The following DNAH8 variants were observed in gnomAD, a reference collection of about 807,000 sequenced individuals.
DNAH8 encodes the protein axonemal beta dynein heavy chain 8.
A neutral mutation model predicts 562.1 loss-of-function variants in DNAH8; 382 were observed. The ratio of observed to expected loss-of-function variants is 0.68; its 90% CI spans 0.63 to 0.74. The LOEUF (loss-of-function observed/expected upper bound fraction) is 0.74. Ranked by LOEUF, DNAH8 falls within the 30% of genes least tolerant of loss-of-function variation. The probability of loss-of-function intolerance (pLI) is 0.00; values close to 1 mark genes in which losing one functional copy is unlikely to be tolerated. For synonymous variants in DNAH8, 1,881 were observed against 1,919.4 expected, an observed-to-expected ratio of 0.98 and a Z score of 0.52; for missense variants, 5,203 against 5,620.4, an observed-to-expected ratio of 0.93 and a Z score of 2.37.
chr6:38,831,677 T>C (rs1773848028), intron 30 of DNAH8, among the ~76,000 whole-genome samples: 2 of 152,178 alleles, frequency 1.3e-5, no homozygotes, highest in Non-Finnish European at 2.9e-5. Context: ...TGCCTGATGC[T>C]GGTGGTGGGA....
In DNAH8 at chr6:38,860,534, T is replaced by A; in HGVS notation, c.6036T>A (p.Asp2012Glu). ...QSRFYFKEDLDQTVVSITDVD... is the reference protein window; with the variant it reads ...QSRFYFKEDLEQTVVSITDVD... The stretch of plus-strand genomic sequence containing the variant: ...GATTTTATTTTAAGGAAGATTTGGA[T>A]CAAACTGTGGTGTCTATTACAGATG... Residue 2012 changes from aspartate (D) to glutamate (E), a missense_variant, in exon 43 of 93, where the codon GAT becomes GAA. Around this residue, in one of 6 missense-constraint regions of DNAH8, gnomAD observed 2,176 missense variants for 2,365.1 expected, o/e 0.92. Transcript: ENST00000327475. 1 of 1,523,748 alleles carries A rather than the reference T, an allele frequency of 6.6e-7. No homozygotes were observed. The highest frequency in any genetic ancestry group is 8.8e-7 in the Non-Finnish European group (1 of 1,142,680). 94.4% of individuals were successfully genotyped at this position (1,523,748 alleles called of 1,614,324 possible).
intron 76 of DNAH8, among the ~76,000 whole-genome samples, chr6:38,933,101 A>G (rs1036220687): frequency 4.6e-5 from 7 of 152,128 alleles, no homozygotes; most frequent in African/African-American, 1.4e-4. Flanking sequence ...TCAGGATCAC[A>G]TGCTGTTAAC....
At chr6:38,762,954 C>A in intron 11 of DNAH8, 1 of 320,472 alleles carries the variant, frequency 3.1e-6, no homozygotes, top group South Asian at 2.9e-5. Flanking sequence ...ACAGTTGATC[C>A]CAAGGACTGG....
chr6:38,736,274 C>T (rs1159798693), intron 5 of DNAH8, among the ~76,000 whole-genome samples: 3 of 152,156 alleles, frequency 2.0e-5, no homozygotes, highest in African/African-American at 7.2e-5. Context: ...TATTTGTTTA[C>T]ATCATTAGAA....
rs2150746869 is a variant in DNAH8 at position 38,998,754 on chromosome 6, G to A, written c.13214+8582G>A. On this transcript the variant is annotated intron_variant, in intron 88 of 92. Transcript: ENST00000327475. Reference sequence around the variant, plus strand: ...TTCCCAGAACCACCAAGCTACAAGGGCAATCTGAGCTTCTTCCCATATTTA... The same window carrying A: ...TTCCCAGAACCACCAAGCTACAAGGACAATCTGAGCTTCTTCCCATATTTA... Among the ~76,000 whole-genome samples, 4 of 152,224 alleles carry A rather than the reference G, an allele frequency of 2.6e-5. 1 individual carries two copies. The South Asian group carries it at 8.3e-4, about 32-fold the overall frequency.
rs762150721 is a variant in DNAH8, at chr6:38,852,802, A to G, written c.5571+4A>G. 7 of 1,603,172 alleles carry G rather than the reference A, an allele frequency of 4.4e-6. No individual in the cohort carries two copies. The African/African-American group carries it at 8.1e-5, about 19-fold the overall frequency. On this transcript the variant is annotated splice_donor_region_variant and intron_variant, in intron 40 of 92. Coordinates refer to ENST00000327475, the MANE Select transcript of DNAH8 (RefSeq NM_001206927.2). ...AAGAGAAGGAGAAAAAATTGTTGTAATTTACCTTGCTTTAAATTTTTTTAT... is the reference window on the plus strand; with the variant it reads ...AAGAGAAGGAGAAAAAATTGTTGTAGTTTACCTTGCTTTAAATTTTTTTAT...
Position 38,903,505 on chromosome 6 carries a change from G to A in DNAH8, c.9195-2749G>A, listed in dbSNP as rs895313786. Among the ~76,000 whole-genome samples, 10 of 151,866 alleles carry A rather than the reference G, an allele frequency of 6.6e-5. No individual in the cohort carries two copies. In the East Asian group the frequency reaches 1.7e-3, roughly 26 times the overall value. On this transcript the variant is annotated intron_variant, in intron 62 of 92. Coordinates refer to ENST00000327475, the MANE Select transcript of DNAH8 (RefSeq NM_001206927.2). ...ACCCAGACACCTCCCACCAAGCCCC[G>A]CCTCCAACATTGGTGGTTACATTTC... is the stretch of plus-strand genomic sequence containing the variant.
In DNAH8 at chr6:38,823,645, G is replaced by A; in HGVS notation, c.3804G>A (p.Glu1268=). The change falls in exon 28 of 93, where the codon GAG becomes GAA. Residue 1268 remains glutamate, a synonymous_variant. Transcript: ENST00000327475. The part of the protein sequence containing the change: ...HYATFEQEID[E]LKPIIVVGAL... The stretch of plus-strand genomic sequence containing the variant: ...CTACTTTTGAACAGGAGATTGATGA[G>A]TTGAAGCCTATTATTGTTGTAGGAG... The A allele has an allele frequency of 6.2e-7, 1 of 1,606,590 alleles. No homozygotes were observed. The highest frequency in any genetic ancestry group is 8.5e-7 in the Non-Finnish European group (1 of 1,173,572).
intron 82 of DNAH8, among the ~76,000 whole-genome samples, chr6:38,967,153 A>G (rs1233516952): frequency 6.6e-6 from 1 of 152,218 alleles, no homozygotes; most frequent in Non-Finnish European, 1.5e-5. Flanking sequence ...AAAGGCACCT[A>G]CAAAAAACTC....
intron 91 of DNAH8, 134 bp downstream of exon 91, chr6:39,012,771 G>A: frequency 1.5e-6 from 1 of 647,738 alleles, no homozygotes; most frequent in Non-Finnish European, 2.8e-6. Flanking sequence ...CCATTCAAAG[G>A]CGAAAGAACA....
chr6:38,967,492 C>T (rs1335929907), intron 82 of DNAH8, among the ~76,000 whole-genome samples: 3 of 152,078 alleles, frequency 2.0e-5, no homozygotes, highest in African/African-American at 7.2e-5. Context: ...CTAGCAAGAA[C>T]AATTCAAAAA....
intron 82 of DNAH8, 112 bp downstream of exon 82, chr6:38,951,632 G>A (rs1216421773): frequency 4.3e-5 from 39 of 913,446 alleles, no homozygotes; most frequent in Middle Eastern, 2.2e-4. Context: ...AACTGAATTC[G>A]AAAAATATTA....
intron 33 of DNAH8, among the ~76,000 whole-genome samples, chr6:38,840,720 C>T (rs923173674): frequency 3.9e-5 from 6 of 152,056 alleles, no homozygotes; most frequent in Non-Finnish European, 7.4e-5. Context: ...CTTCTCTTTA[C>T]CCTTTTAGGT....
intron 66 of DNAH8, among the ~76,000 whole-genome samples, chr6:38,912,778 C>T (rs1780997637): frequency 1.3e-5 from 2 of 151,988 alleles, no homozygotes; most frequent in South Asian, 4.2e-4. Context: ...GCAATAAATG[C>T]TCAAACTCAT....
intron 67 of DNAH8, among the ~76,000 whole-genome samples, chr6:38,914,501 A>G (rs1386858364): frequency 2.1e-5 from 3 of 145,478 alleles, no homozygotes; most frequent in Non-Finnish European, 4.5e-5. Flanking sequence ...CCTGGGTTCA[A>G]GCGATTCTCC....
At chr6:38,911,648 A>G (rs1780911414) in intron 66 of DNAH8, 62 bp downstream of exon 66, 4 of 1,141,764 alleles carry the variant, frequency 3.5e-6, no homozygotes, top group Admixed American at 2.0e-5. Context: ...AGGGATCTCA[A>G]TATTTTGTTT....
At chr6:38,800,280 G>A (rs1350899452) in intron 21 of DNAH8, among the ~76,000 whole-genome samples, 1 of 151,238 alleles carries the variant, frequency 6.6e-6, no homozygotes, top group Admixed American at 6.6e-5. Context: ...TGGAATTACT[G>A]GCTCCCAACT....
chr6:38,945,738 G>A (rs894553777), intron 80 of DNAH8, 150 bp downstream of exon 80: 10 of 1,022,232 alleles, frequency 9.8e-6, no homozygotes, highest in Non-Finnish European at 1.3e-5. Context: ...GTCTGGGAGA[G>A]ATCTTGGACA....
At chr6:38,842,000 A>G (rs559019577) in intron 33 of DNAH8, among the ~76,000 whole-genome samples, 11 of 152,360 alleles carry the variant, frequency 7.2e-5, no homozygotes, top group South Asian at 4.1e-4. Context: ...AAGAAAAAAA[A>G]GTCAAATGAA....
Sources: gnomAD v4.1 joint callset for allele counts (sites outside exome capture counted in the v4.1 genomes callset) on GRCh38, gnomAD v4.1.1 for gene constraint, gnomAD v4.1.1 regional missense constraint, MANE v1.5 for transcripts, NCBI Gene and HGNC (gene_info 2026-07-23, HGNC 2026-07-21) for gene names.